The following TMEM132C variants were observed in gnomAD, a reference collection of about 807,000 sequenced individuals.
TMEM132C encodes transmembrane protein 132C.
Under a neutral mutation model 61.4 loss-of-function variants are expected in TMEM132C, and 29 were observed. The ratio of observed to expected loss-of-function variants is 0.47; its 90% CI spans 0.35 to 0.64. The LOEUF (loss-of-function observed/expected upper bound fraction) is 0.64. TMEM132C is among the 30% of genes least tolerant of loss of function. The pLI, the probability that TMEM132C is intolerant of heterozygous loss-of-function variation, is 0.00. For missense variants in TMEM132C, 1,408 were observed against 1,476.9 expected (o/e 0.95, Z 0.76); for synonymous variants, 656 against 633.1 (o/e 1.04, Z -0.54).
chr12:128,641,036 A>G (rs1008708905), intron 4 of TMEM132C, among the ~76,000 whole-genome samples: 2 of 152,230 alleles, frequency 1.3e-5, no homozygotes, highest in Non-Finnish European at 2.9e-5. Flanking sequence ...GAAGAGATGA[A>G]GAGAAAAACA....
chr12:128,456,310 T>G (rs138676183), intron 2 of TMEM132C, among the ~76,000 whole-genome samples: 2,560 of 151,090 alleles, frequency 0.017, 39 homozygotes, highest in Non-Finnish European at 0.027. Flanking sequence ...CTTATTTTTA[T>G]TAACATAATT....
chr12:128,452,560 C>T (rs901139275), intron 2 of TMEM132C, among the ~76,000 whole-genome samples: 17 of 144,604 alleles, frequency 1.2e-4, no homozygotes, highest in Admixed American at 4.3e-4. Context: ...ATGTGCCTCT[C>T]GTCGCAGCTG....
chr12:128,436,235 A>G (rs1053785384), intron 2 of TMEM132C, among the ~76,000 whole-genome samples: 2 of 152,236 alleles, frequency 1.3e-5, no homozygotes, highest in African/African-American at 4.8e-5. Context: ...GGACATAGGC[A>G]TGGGCAAGGA....
chr12:128,281,852 C>G (rs539194874), intron 1 of TMEM132C, among the ~76,000 whole-genome samples: 71 of 152,326 alleles, frequency 4.7e-4, no homozygotes, highest in South Asian at 1.0e-3. Flanking sequence ...CCCTTCTCCA[C>G]TTCCCCCTTC....
chr12:128,426,168 C>G (rs1167554038), intron 2 of TMEM132C, among the ~76,000 whole-genome samples: 1 of 152,244 alleles, frequency 6.6e-6, no homozygotes, highest in Admixed American at 6.5e-5. Context: ...GAATAAACTC[C>G]TCTCCGCCGG....
At chr12:128,682,144 A>G (rs950156819) in intron 5 of TMEM132C, among the ~76,000 whole-genome samples, 4 of 152,178 alleles carry the variant, frequency 2.6e-5, no homozygotes, top group African/African-American at 7.2e-5. Flanking sequence ...GGCTTAGGCC[A>G]TCGTCACATG....
At chr12:128,583,830 C>T (rs981775348) in intron 3 of TMEM132C, among the ~76,000 whole-genome samples, 1 of 152,216 alleles carries the variant, frequency 6.6e-6, no homozygotes, top group Non-Finnish European at 1.5e-5. Context: ...GAAAGAGCAG[C>T]ATTCAAACGT....
chr12:128,467,451 T>C (rs1870774304), intron 2 of TMEM132C, among the ~76,000 whole-genome samples: 1 of 152,226 alleles, frequency 6.6e-6, no homozygotes, highest in African/African-American at 2.4e-5. Context: ...TAAATTGGTT[T>C]ATATTTTAAT....
intron 1 of TMEM132C, among the ~76,000 whole-genome samples, chr12:128,332,289 A>G (rs575780349): frequency 2.0e-5 from 3 of 152,316 alleles, no homozygotes; most frequent in Admixed American, 2.0e-4. Flanking sequence ...TGAAGAAGGT[A>G]TGCCTCCCTG....
chr12:128,359,551 T>C (rs560291152), intron 1 of TMEM132C, among the ~76,000 whole-genome samples: 1 of 152,206 alleles, frequency 6.6e-6, no homozygotes, highest in East Asian at 1.9e-4. Context: ...TTTCCACTTG[T>C]TATTTGGTAT....
At chr12:128,603,504 C>T (rs575946197) in intron 3 of TMEM132C, among the ~76,000 whole-genome samples, 2 of 152,328 alleles carry the variant, frequency 1.3e-5, no homozygotes, top group Non-Finnish European at 2.9e-5. Context: ...CTCTCCCCTC[C>T]AGCAGGCCCT....
chr12:128,297,596 C>T (rs1281324103), intron 1 of TMEM132C, among the ~76,000 whole-genome samples: 1 of 152,088 alleles, frequency 6.6e-6, no homozygotes, highest in Non-Finnish European at 1.5e-5. Context: ...TGAAGGCACT[C>T]GACTTGAACT....
chr12:128,408,908 G>C (rs1250208102), intron 1 of TMEM132C, among the ~76,000 whole-genome samples: 1 of 152,184 alleles, frequency 6.6e-6, no homozygotes, highest in Non-Finnish European at 1.5e-5. Context: ...GGTCCTTCCA[G>C]AGGACAGCAG....
At chr12:128,655,972 A>T (rs978726930) in intron 4 of TMEM132C, among the ~76,000 whole-genome samples, 1 of 152,218 alleles carries the variant, frequency 6.6e-6, no homozygotes, top group Non-Finnish European at 1.5e-5. Flanking sequence ...ATACATAAGT[A>T]AGGCCATGAC....
Position 128,376,450 on chromosome 12 carries a change from G to A in TMEM132C, c.86-38282G>A, listed in dbSNP as rs115776458. The stretch of plus-strand genomic sequence containing the variant: ...CCTTCGGGACATCTCTTGTTATAAA[G>A]TGTCAACTTTAGATATCAAGAGAAT... On this transcript the variant is annotated intron_variant, in intron 1 of 8. Transcript: ENST00000435159. Among the ~76,000 whole-genome samples, 331 of 152,310 alleles carry A rather than the reference G, an allele frequency of 2.2e-3. 2 individuals carry two copies. Among genetic ancestry groups the A allele is most frequent in the African/African-American group, 7.0e-3 (291 of 41,568 alleles).
intron 3 of TMEM132C, among the ~76,000 whole-genome samples, chr12:128,583,124 A>C (rs1053528989): frequency 6.6e-6 from 1 of 152,226 alleles, no homozygotes. Flanking sequence ...AAGTTTATCA[A>C]TAGGGACATG....
chr12:128,702,280 A>G (rs1367969150), intron 8 of TMEM132C, among the ~76,000 whole-genome samples: 1 of 151,652 alleles, frequency 6.6e-6, no homozygotes, highest in Non-Finnish European at 1.5e-5. Flanking sequence ...TTTCTTTTTA[A>G]TTTTATTTCA....
chr12:128,481,953 T>G (rs975885579), intron 2 of TMEM132C, among the ~76,000 whole-genome samples: 4 of 152,210 alleles, frequency 2.6e-5, no homozygotes, highest in African/African-American at 9.6e-5. Context: ...GGGCCATTTG[T>G]CTCATTCTTC....
chr12:128,669,673 T>C, intron 5 of TMEM132C, 113 bp downstream of exon 5: 2 of 1,284,970 alleles, frequency 1.6e-6, no homozygotes, highest in South Asian at 1.7e-5. Flanking sequence ...CAGAGGCTTA[T>C]GTGCAACACA....
Sources: gnomAD v4.1 joint callset for allele counts (sites outside exome capture counted in the v4.1 genomes callset) on GRCh38, gnomAD v4.1.1 for gene constraint, MANE v1.5 for transcripts, NCBI Gene and HGNC (gene_info 2026-07-23, HGNC 2026-07-21) for gene names.